RHAG: variants seen among roughly 807,000 people sequenced by gnomAD.
RHAG encodes ammonium transporter Rh type A.
Under a neutral mutation model 42.4 loss-of-function variants are expected in RHAG, and 25 were observed. The observed-to-expected ratio is 0.59, with a 90% CI of 0.43 to 0.82. The LOEUF (loss-of-function observed/expected upper bound fraction) is 0.82. RHAG is among the 40% of genes least tolerant of loss of function. RHAG has a pLI of 0.00. For synonymous variants in RHAG, 182 were observed against 177.7 expected, an observed-to-expected ratio of 1.02 and a Z score of -0.19; for missense variants, 483 against 504.6, an observed-to-expected ratio of 0.96 and a Z score of 0.41.
chr6:49,630,645 A>T (rs746598521), intron 1 of RHAG, among the ~76,000 whole-genome samples: 50 of 152,180 alleles, frequency 3.3e-4, no homozygotes, highest in Non-Finnish European at 6.6e-4. Context: ...AATACAATAA[A>T]CACTTACATA....
chr6:49,629,918 C>T (rs1762909038), intron 1 of RHAG, among the ~76,000 whole-genome samples: 1 of 152,218 alleles, frequency 6.6e-6, no homozygotes, highest in African/African-American at 2.4e-5. Context: ...CCGGTTCCCG[C>T]TCGCGCCTCT....
chr6:49,626,165 C>A (rs1762840791), intron 1 of RHAG, among the ~76,000 whole-genome samples: 1 of 152,172 alleles, frequency 6.6e-6, no homozygotes, highest in Non-Finnish European at 1.5e-5. Flanking sequence ...GCCTTCCCAA[C>A]CGTCCCCCAA....
At chr6:49,620,509 T>C (rs953037669) in intron 1 of RHAG, among the ~76,000 whole-genome samples, 9 of 151,880 alleles carry the variant, frequency 5.9e-5, no homozygotes, top group African/African-American at 2.2e-4. Flanking sequence ...CAAACCTGAA[T>C]GGGGCACCAT....
At chr6:49,614,646 T>C (rs1762622348) in intron 5 of RHAG, 41 bp downstream of exon 5, 3 of 1,597,696 alleles carry the variant, frequency 1.9e-6, no homozygotes, top group Admixed American at 1.7e-5. Context: ...ACTGTCAGTG[T>C]TGTGAAGCAA....
intron 4 of RHAG, 150 bp from the exon 5 acceptor site, chr6:49,615,003 A>G: frequency 1.4e-6 from 1 of 735,376 alleles, no homozygotes; most frequent in Non-Finnish European, 2.2e-6. Flanking sequence ...GCTGGAGTGC[A>G]GTGGCTTGAT....
At chr6:49,617,944 G>A (rs1270720288) in intron 3 of RHAG, 124 bp downstream of exon 3, 6 of 807,866 alleles carry the variant, frequency 7.4e-6, no homozygotes, top group East Asian at 5.3e-5. Flanking sequence ...GATGGTTATT[G>A]TTACTATTTG....
At position 49,615,705 on chromosome 6, in the gene RHAG, C is replaced by T. The variant is rs2127352293; in HGVS notation, c.559G>A (p.Gly187Ser). The change falls in exon 4 of 10, where the codon GGC (glycine) becomes AGC (serine). Residue 187 changes from glycine (G) to serine (S), a missense_variant. Physicochemically the swap from Gly to Ser is moderately conservative, Grantham distance 56 (BLOSUM62 0). Coordinates refer to ENST00000371175, the MANE Select transcript of RHAG (RefSeq NM_000324.3). ...CTCAGTCCAGATCGATACAAGATGC[C>T]TGCTACAGCCAAGCCAAAGTAGGCC... is the stretch of plus-strand genomic sequence containing the variant. ...FGAYFGLAVA[G>S]ILYRSGLRKG... 6.2e-7 allele frequency: 1 copy of T among 1,614,120 alleles called. No individual in the cohort carries two copies. The highest frequency in any genetic ancestry group is 8.5e-7 in the Non-Finnish European group (1 of 1,180,020).
At chr6:49,615,834 A>T in intron 3 of RHAG, 63 bp from the exon 4 acceptor site, 1 of 1,496,652 alleles carries the variant, frequency 6.7e-7, no homozygotes. Flanking sequence ...ATGGGAGGAA[A>T]GTCAATGAAA....
intron 1 of RHAG, among the ~76,000 whole-genome samples, chr6:49,623,269 A>G (rs1266048846): frequency 6.6e-6 from 1 of 152,188 alleles, no homozygotes; most frequent in African/African-American, 2.4e-5. Context: ...TTATTATTTA[A>G]ATTAATGAGA....
At chr6:49,618,785 G>T (rs1762699856) in intron 2 of RHAG, among the ~76,000 whole-genome samples, 1 of 152,184 alleles carries the variant, frequency 6.6e-6, no homozygotes, top group Non-Finnish European at 1.5e-5. Context: ...AAAATGAAAT[G>T]GCTGATAAAT....
intron 1 of RHAG, among the ~76,000 whole-genome samples, chr6:49,630,275 T>G (rs148175655): frequency 1.3e-5 from 2 of 152,252 alleles, no homozygotes; most frequent in Non-Finnish European, 2.9e-5. Context: ...GTTATTCAAA[T>G]AGACTTGATG....
intron 9 of RHAG, 138 bp downstream of exon 9, chr6:49,606,710 A>G: frequency 2.8e-6 from 2 of 719,236 alleles, no homozygotes; most frequent in Non-Finnish European, 5.1e-6. Flanking sequence ...TGCTGAGATT[A>G]CATGTGTGAG....
At chr6:49,630,190 A>G (rs1357692257) in intron 1 of RHAG, among the ~76,000 whole-genome samples, 2 of 152,192 alleles carry the variant, frequency 1.3e-5, no homozygotes, top group Non-Finnish European at 2.9e-5. Flanking sequence ...TCTGAGTGTT[A>G]CCCATGTTGT....
chr6:49,624,420 G>A (rs1000328978), intron 1 of RHAG, among the ~76,000 whole-genome samples: 17 of 152,148 alleles, frequency 1.1e-4, no homozygotes, highest in Non-Finnish European at 2.4e-4. Flanking sequence ...GGCCAGGTTG[G>A]TCTCGAACTC....
At position 49,611,109 on chromosome 6, in the gene RHAG, A is replaced by G; in HGVS notation, c.982T>C (p.Cys328Arg). ...FTTKLRIHDT[C>R]GVHNLHGLPG... Reference sequence around the variant, plus strand: ...AAGCCGTGGAGGTTATGGACCCCACATGTATCATGGATCCTCAGTTTAGTA... The same window carrying G: ...AAGCCGTGGAGGTTATGGACCCCACGTGTATCATGGATCCTCAGTTTAGTA... The change falls in exon 7 of 10, where the codon TGT becomes CGT. Residue 328 changes from cysteine to arginine, a missense_variant. By Grantham distance (180) the Cys-to-Arg change is radical. Transcript: ENST00000371175. 2 of 1,613,588 alleles carry G rather than the reference A, an allele frequency of 1.2e-6. No homozygotes were observed. Among genetic ancestry groups the G allele is most frequent in the Non-Finnish European group, 1.7e-6 (2 of 1,179,590 alleles).
intron 1 of RHAG, among the ~76,000 whole-genome samples, chr6:49,627,974 T>C (rs1762867811): frequency 6.6e-6 from 1 of 152,182 alleles, no homozygotes; most frequent in South Asian, 2.1e-4. Context: ...TAACTCAACA[T>C]GTTAAAATGT....
intron 7 of RHAG, among the ~76,000 whole-genome samples, chr6:49,607,967 CT>C (rs559911461): frequency 2.2e-4 from 33 of 151,104 alleles, no homozygotes; most frequent in South Asian, 2.1e-3. Context: ...ACTCAGATTC[CT>C]TTTTTTTTCT....
At chr6:49,635,593 A>G (rs1188741373) in intron 1 of RHAG, among the ~76,000 whole-genome samples, 2 of 152,126 alleles carry the variant, frequency 1.3e-5, no homozygotes, top group African/African-American at 4.8e-5. Context: ...TCAGACATCT[A>G]TGCAGTGTAA....
chr6:49,611,073 C>G lies in RHAG; in HGVS notation c.1018G>C (p.Val340Leu), dbSNP rs749005033. The G allele has an allele frequency of 2.5e-6, 4 of 1,613,788 alleles. No homozygotes were observed. The African/African-American group carries it at 4.0e-5, about 16-fold the overall frequency. Reference sequence around the variant, plus strand: ...GCCACAATGCCTGCAAGGCCTCCCACTACACCAGGTAAGCCGTGGAGGTTA... The same window carrying G: ...GCCACAATGCCTGCAAGGCCTCCCAGTACACCAGGTAAGCCGTGGAGGTTA... Reference protein sequence around the residue: ...VHNLHGLPGVVGGLAGIVAVA... With the variant: ...VHNLHGLPGVLGGLAGIVAVA... Residue 340 changes from valine to leucine, a missense_variant, in exon 7 of 10, where the codon GTG (valine) becomes CTG (leucine). Physicochemically the swap from Val to Leu is conservative, Grantham distance 32. Transcript: ENST00000371175.
Sources: allele counts gnomAD v4.1 joint callset (sites outside exome capture counted in the v4.1 genomes callset), GRCh38; gene constraint gnomAD v4.1.1; transcripts MANE v1.5; gene names NCBI Gene and HGNC (gene_info 2026-07-23, HGNC 2026-07-21).